Variants in NTNG1 observed in about 807,000 individuals in gnomAD.
The protein encoded by NTNG1 is netrin G1.
NTNG1 carries 16 observed loss-of-function variants against 54.0 expected under a neutral mutation model. The observed-to-expected ratio is 0.30, with a 90% CI of 0.20 to 0.45. The LOEUF (loss-of-function observed/expected upper bound fraction) is 0.45. Ranked by LOEUF, NTNG1 falls within the 20% of genes least tolerant of loss-of-function variation. NTNG1 has a pLI of 1.00. For synonymous variants in NTNG1, 255 were observed against 263.1 expected (o/e 0.97, Z 0.30); for missense variants, 530 against 678.7 (o/e 0.78, Z 2.43).
intron 2 of NTNG1, among the ~76,000 whole-genome samples, chr1:107,184,397 A>T (rs1182989444): frequency 6.6e-6 from 1 of 152,118 alleles, no homozygotes; most frequent in East Asian, 1.9e-4. Context: ...CATCTGACAC[A>T]ACTTTCTGAG....
intron 3 of NTNG1, among the ~76,000 whole-genome samples, chr1:107,371,760 C>G (rs1304179120): frequency 6.6e-6 from 1 of 151,988 alleles, no homozygotes. Context: ...TTGTCTGATG[C>G]AAGTAACAGG....
At chr1:107,323,129 A>G (rs1667745461) in intron 2 of NTNG1, among the ~76,000 whole-genome samples, 1 of 151,994 alleles carries the variant, frequency 6.6e-6, no homozygotes. Flanking sequence ...GAAAGAAAGA[A>G]AGAAACCTAA....
intron 7 of NTNG1, among the ~76,000 whole-genome samples, chr1:107,470,665 A>G (rs987642430): frequency 1.3e-5 from 2 of 152,190 alleles, no homozygotes; most frequent in Non-Finnish European, 2.9e-5. Context: ...TCCATCTTTC[A>G]CCTTCAGCTA....
intron 7 of NTNG1, among the ~76,000 whole-genome samples, chr1:107,477,779 T>C (rs1678424258): frequency 6.6e-6 from 1 of 152,238 alleles, no homozygotes; most frequent in Non-Finnish European, 1.5e-5. Flanking sequence ...TTTCCATTTA[T>C]TTTCTGCCAA....
intron 2 of NTNG1, among the ~76,000 whole-genome samples, chr1:107,258,258 T>G (rs3125687): frequency 0.016 from 2,320 of 141,872 alleles, 54 homozygotes; most frequent in African/African-American, 0.062. Flanking sequence ...GAGTTGTTGG[T>G]TTTTTTTTTT....
At chr1:107,142,582 A>G (rs969272684) in intron 1 of NTNG1, among the ~76,000 whole-genome samples, 28 of 152,034 alleles carry the variant, frequency 1.8e-4, no homozygotes, top group African/African-American at 6.8e-4. Flanking sequence ...GAACTCCACT[A>G]AACATATGGT....
intron 2 of NTNG1, among the ~76,000 whole-genome samples, chr1:107,187,775 C>T (rs542560810): frequency 9.9e-5 from 15 of 152,168 alleles, no homozygotes; most frequent in East Asian, 1.9e-4. Context: ...CCTCAGGTGT[C>T]GGCAAGGACA....
At chr1:107,414,148 C>T (rs896434704) in intron 5 of NTNG1, among the ~76,000 whole-genome samples, 3 of 152,128 alleles carry the variant, frequency 2.0e-5, no homozygotes, top group African/African-American at 4.8e-5. Flanking sequence ...CTCACTGGGA[C>T]GTCAGCACTA....
chr1:107,173,764 G>A (rs564982653), intron 2 of NTNG1, among the ~76,000 whole-genome samples: 4 of 139,804 alleles, frequency 2.9e-5, no homozygotes, highest in South Asian at 2.2e-4. Flanking sequence ...AGGTAGATAA[G>A]CAATTCTAAA....
intron 2 of NTNG1, among the ~76,000 whole-genome samples, chr1:107,188,157 T>A (rs927939673): frequency 6.6e-6 from 1 of 151,724 alleles, no homozygotes; most frequent in East Asian, 1.9e-4. Flanking sequence ...TTTTTTTAAA[T>A]CAACAGTTCC....
intron 2 of NTNG1, among the ~76,000 whole-genome samples, chr1:107,208,068 T>C (rs1659327654): frequency 6.6e-6 from 1 of 152,118 alleles, no homozygotes; most frequent in African/African-American, 2.4e-5. Context: ...GCTGAAGTGC[T>C]CAAGGCGTCG....
At chr1:107,166,980 C>T (rs766840238) in intron 2 of NTNG1, among the ~76,000 whole-genome samples, 1 of 152,098 alleles carries the variant, frequency 6.6e-6, no homozygotes, top group Non-Finnish European at 1.5e-5. Context: ...AGTTCAGATA[C>T]AAGCAACTTA....
At position 107,148,813 on chromosome 1, in the gene NTNG1, G is replaced by A; in HGVS notation, c.220G>A (p.Asp74Asn). ...KLDPPDITCG[D>N]PPETFCAMGN... Reference sequence around the variant, plus strand: ...CGATCCTCCGGATATTACCTGTGGAGACCCTCCTGAGACGTTCTGTGCAAT... The same window carrying A: ...CGATCCTCCGGATATTACCTGTGGAAACCCTCCTGAGACGTTCTGTGCAAT... The change falls in exon 2 of 8, where the codon GAC (aspartate) becomes AAC (asparagine). Residue 74 changes from aspartate to asparagine, a missense_variant. Asp to Asn is a conservative substitution (Grantham distance 23). Transcript: ENST00000370068. The A allele has an allele frequency of 1.2e-6, 2 of 1,613,626 alleles. No homozygotes were observed. The highest frequency in any genetic ancestry group is 1.7e-6 in the Non-Finnish European group (2 of 1,179,632).
chr1:107,192,906 A>G (rs989054217), intron 2 of NTNG1, among the ~76,000 whole-genome samples: 1 of 152,092 alleles, frequency 6.6e-6, no homozygotes, highest in African/African-American at 2.4e-5. Flanking sequence ...AAAAATGAGA[A>G]TCATTGACTA....
intron 2 of NTNG1, among the ~76,000 whole-genome samples, chr1:107,185,979 TG>T (rs1292812205): frequency 1.3e-5 from 2 of 152,142 alleles, no homozygotes; most frequent in African/African-American, 4.8e-5. Context: ...ACCCAAATAT[TG>T]TACATTGTAC....
intron 3 of NTNG1, among the ~76,000 whole-genome samples, chr1:107,370,923 T>C (rs1249888119): frequency 6.6e-6 from 1 of 152,140 alleles, no homozygotes; most frequent in Non-Finnish European, 1.5e-5. Flanking sequence ...TTGATTTTTG[T>C]ATATTGATCT....
At chr1:107,177,699 A>G (rs1166201281) in intron 2 of NTNG1, among the ~76,000 whole-genome samples, 1 of 152,140 alleles carries the variant, frequency 6.6e-6, no homozygotes, top group African/African-American at 2.4e-5. Context: ...AACTCTAGAT[A>G]TGTCTATACT....
chr1:107,434,567 C>A (rs1162998360), intron 6 of NTNG1, among the ~76,000 whole-genome samples: 1 of 152,184 alleles, frequency 6.6e-6, no homozygotes, highest in East Asian at 1.9e-4. Flanking sequence ...TCAGCAGCTG[C>A]TGCTAAGCAT....
intron 4 of NTNG1, among the ~76,000 whole-genome samples, chr1:107,406,535 C>T (rs993517577): frequency 2.6e-5 from 4 of 152,100 alleles, no homozygotes; most frequent in African/African-American, 9.7e-5. Flanking sequence ...CCTAAAATCA[C>T]CCAGCAAGGC....
Sources: allele counts gnomAD v4.1 joint callset (sites outside exome capture counted in the v4.1 genomes callset), GRCh38; gene constraint gnomAD v4.1.1; transcripts MANE v1.5; gene names NCBI Gene and HGNC (gene_info 2026-07-23, HGNC 2026-07-21).